The following FAM107B variants were observed in gnomAD, a reference collection of about 807,000 sequenced individuals.
FAM107B encodes the protein protein FAM107B.
A neutral mutation model predicts 31.5 loss-of-function variants in FAM107B; 21 were observed. That is an observed-to-expected ratio of 0.67 (90% CI 0.47 to 0.96). The LOEUF is 0.96. Among genes scored for constraint, FAM107B ranks in the 40% least tolerant of loss-of-function variants. FAM107B has a pLI of 0.00. For missense variants in FAM107B, 452 were observed against 377.1 expected, an observed-to-expected ratio of 1.20 and a Z score of -1.64; for synonymous variants, 157 against 141.5, an observed-to-expected ratio of 1.11 and a Z score of -0.78.
At position 14,660,826 on chromosome 10, in the gene FAM107B, C is replaced by A. The variant is rs138372713; in HGVS notation, c.469+6808G>T. Among the ~76,000 whole-genome samples, 540 of 152,226 alleles carry A rather than the reference C, an allele frequency of 3.5e-3. 11 individuals carry two copies. The East Asian group carries it at 0.05, about 14-fold the overall frequency. On this transcript the variant is annotated intron_variant, in intron 2 of 4. Transcript: ENST00000181796. ...CCCATAGAAGGCTCTAGAAAAGGAACACATACCATGGAAAGGAAAAAGGAA... is the reference window on the plus strand; with the variant it reads ...CCCATAGAAGGCTCTAGAAAAGGAAAACATACCATGGAAAGGAAAAAGGAA...
intron 1 of FAM107B, among the ~76,000 whole-genome samples, chr10:14,768,908 C>T (rs1430740364): frequency 1.3e-5 from 2 of 152,182 alleles, no homozygotes; most frequent in African/African-American, 4.8e-5. Flanking sequence ...TTCCTGCTGT[C>T]CCTATTAGGT....
intron 2 of FAM107B, among the ~76,000 whole-genome samples, chr10:14,559,457 C>T (rs1347393700): frequency 2.7e-5 from 4 of 147,770 alleles, no homozygotes. Context: ...TTAAATCCCC[C>T]GGTTCTCTTA....
intron 2 of FAM107B, among the ~76,000 whole-genome samples, chr10:14,550,661 G>A (rs2131063980): frequency 6.6e-6 from 1 of 152,290 alleles, no homozygotes; most frequent in East Asian, 1.9e-4. Context: ...TACCCAAGTT[G>A]TCATGCTTTC....
chr10:14,689,788 C>T (rs111249327), intron 1 of FAM107B, among the ~76,000 whole-genome samples: 2,211 of 151,970 alleles, frequency 0.015, 58 homozygotes, highest in African/African-American at 0.05. Context: ...TAGCAAGAGC[C>T]CATCTCTACA....
At chr10:14,601,474 AC>A (rs1852396341) in intron 2 of FAM107B, among the ~76,000 whole-genome samples, 1 of 152,186 alleles carries the variant, frequency 6.6e-6, no homozygotes, top group African/African-American at 2.4e-5. Context: ...AGACAAGGGA[AC>A]TATACAAGGA....
chr10:14,706,761 T>A (rs1323272991), intron 1 of FAM107B, among the ~76,000 whole-genome samples: 3 of 152,198 alleles, frequency 2.0e-5, no homozygotes, highest in African/African-American at 7.2e-5. Flanking sequence ...CAATTGATAT[T>A]GCCAATAAAA....
At chr10:14,701,694 C>G (rs1855402243) in intron 1 of FAM107B, among the ~76,000 whole-genome samples, 1 of 151,926 alleles carries the variant, frequency 6.6e-6, no homozygotes, top group African/African-American at 2.4e-5. Flanking sequence ...AATGCAATGA[C>G]CGGCCCTAGG....
At chr10:14,604,185 G>C in intron 2 of FAM107B, 1 of 972,378 alleles carries the variant, frequency 1.0e-6, no homozygotes. Context: ...GCCGCCGCCC[G>C]CCTCCCCGCG....
chr10:14,717,964 G>A (rs1030675725), intron 1 of FAM107B, among the ~76,000 whole-genome samples: 2 of 152,138 alleles, frequency 1.3e-5, no homozygotes, highest in African/African-American at 4.8e-5. Context: ...TTATGAATTT[G>A]GAGGAAAGTT....
At chr10:14,544,558 G>T (rs576610232) in intron 2 of FAM107B, among the ~76,000 whole-genome samples, 3 of 152,166 alleles carry the variant, frequency 2.0e-5, no homozygotes, top group African/African-American at 4.8e-5. Context: ...TAGACTACTT[G>T]TAAGAAGACA....
intron 1 of FAM107B, among the ~76,000 whole-genome samples, chr10:14,771,780 G>A (rs1833308325): frequency 6.6e-6 from 1 of 152,212 alleles, no homozygotes. Flanking sequence ...GCTTTCCAAA[G>A]CTCTGGGTGA....
intron 1 of FAM107B, among the ~76,000 whole-genome samples, chr10:14,689,461 A>C (rs1469417024): frequency 6.6e-6 from 1 of 152,064 alleles, no homozygotes; most frequent in Non-Finnish European, 1.5e-5. Context: ...AAACTGGGAA[A>C]TGCTAGAGTA....
intron 2 of FAM107B, among the ~76,000 whole-genome samples, chr10:14,580,758 T>C (rs913842355): frequency 1.3e-5 from 2 of 152,166 alleles, no homozygotes; most frequent in African/African-American, 4.8e-5. Context: ...TCACTGCTCT[T>C]TAAATCATTT....
intron 1 of FAM107B, among the ~76,000 whole-genome samples, chr10:14,715,519 G>A (rs1223919619): frequency 6.6e-6 from 1 of 152,198 alleles, no homozygotes; most frequent in African/African-American, 2.4e-5. Context: ...ACTAGGCTAA[G>A]AGATGCCCAG....
At chr10:14,705,010 T>G (rs1588717568) in intron 1 of FAM107B, among the ~76,000 whole-genome samples, 2 of 108,476 alleles carry the variant, frequency 1.8e-5, no homozygotes, top group African/African-American at 3.8e-5. Flanking sequence ...AGCAATGGAG[T>G]GAGACCCTGT....
intron 1 of FAM107B, among the ~76,000 whole-genome samples, chr10:14,706,642 A>T (rs1855526829): frequency 6.6e-6 from 1 of 152,216 alleles, no homozygotes; most frequent in African/African-American, 2.4e-5. Context: ...AATATGTATG[A>T]CTATTGTGTA....
chr10:14,627,633 C>T lies in FAM107B; in HGVS notation c.469+40001G>A, dbSNP rs576356162. Among the ~76,000 whole-genome samples, 28 of 152,144 alleles carry T rather than the reference C, an allele frequency of 1.8e-4. No homozygotes were observed. The South Asian group carries it at 5.8e-3, about 32-fold the overall frequency. Reference sequence around the variant, plus strand: ...CTACAAAGAAATTTTAAAAATTAGCCGTGGTTGAGCACACCTGTAGTTCCA... The same window carrying T: ...CTACAAAGAAATTTTAAAAATTAGCTGTGGTTGAGCACACCTGTAGTTCCA... On this transcript the variant is annotated intron_variant, in intron 2 of 4. Coordinates refer to ENST00000181796, the MANE Select transcript of FAM107B (RefSeq NM_031453.4).
chr10:14,579,630 C>T (rs970276575), intron 2 of FAM107B, among the ~76,000 whole-genome samples: 1 of 152,174 alleles, frequency 6.6e-6, no homozygotes, highest in Non-Finnish European at 1.5e-5. Flanking sequence ...CACACAAGGG[C>T]AACAGAATTT....
intron 1 of FAM107B, among the ~76,000 whole-genome samples, chr10:14,767,891 G>A (rs891368583): frequency 2.0e-5 from 3 of 152,170 alleles, no homozygotes; most frequent in African/African-American, 7.2e-5. Flanking sequence ...TCTGTCTGTT[G>A]ATGACATGAT....
Sources: allele counts gnomAD v4.1 joint callset (sites outside exome capture counted in the v4.1 genomes callset), GRCh38; gene constraint gnomAD v4.1.1; transcripts MANE v1.5; gene names NCBI Gene and HGNC (gene_info 2026-07-23, HGNC 2026-07-21).